Variants in MAN1C1 observed in about 807,000 individuals in gnomAD.
MAN1C1 encodes mannosidase alpha class 1C member 1.
MAN1C1 carries 49 observed loss-of-function variants against 71.5 expected under a neutral mutation model. The observed-to-expected ratio is 0.69, with a 90% CI of 0.54 to 0.87. The LOEUF (loss-of-function observed/expected upper bound fraction) is 0.87, where lower values mean the gene tolerates loss of function less well. MAN1C1 is among the 40% of genes least tolerant of loss of function. MAN1C1 has a pLI of 0.00. For synonymous variants in MAN1C1, 352 were observed against 343.7 expected, an observed-to-expected ratio of 1.02 and a Z score of -0.27; for missense variants, 743 against 835.0, an observed-to-expected ratio of 0.89 and a Z score of 1.36.
Position 25,782,683 on chromosome 1 carries a change from T to C in MAN1C1, c.1749T>C (p.Phe583=). Residue 583 remains phenylalanine, a synonymous_variant, in exon 11 of 12, where the codon TTT becomes TTC. Coordinates refer to ENST00000374332, the MANE Select transcript of MAN1C1 (RefSeq NM_020379.4). This position sits in a 1 kb window ranked among gnomAD's most constrained non-coding sequence, Gnocchi z 4.4. ...ACGACAACAAGCAGCAGAGCTTCTT[T>C]CTAGCGGAGACACTAAAGTGAGCAG... The part of the protein sequence containing the change: ...PNHDNKQQSF[F]LAETLKYLYL... 2 of 1,613,858 alleles carry C rather than the reference T, an allele frequency of 1.2e-6. No individual in the cohort carries two copies. Among genetic ancestry groups the C allele is most frequent in the East Asian group, 2.2e-5 (1 of 44,864 alleles).
At chr1:25,713,357 A>G (rs2046638843) in intron 2 of MAN1C1, among the ~76,000 whole-genome samples, 1 of 152,228 alleles carries the variant, frequency 6.6e-6, no homozygotes, top group African/African-American at 2.4e-5. Flanking sequence ...GAGGAAACAG[A>G]CCCAGGTAAG....
At position 25,686,544 on chromosome 1, in the gene MAN1C1, G is replaced by A. The variant is rs763426234; in HGVS notation, c.637+8G>A. On this transcript the variant is annotated splice_region_variant and intron_variant, in intron 2 of 11. Transcript: ENST00000374332. ...ACGAGGGTAACATGTTCGGTGAGTC[G>A]ATTCAAACCACTTTGATATTGGGAG... 8 of 1,612,916 alleles carry A rather than the reference G, an allele frequency of 5.0e-6. No individual in the cohort carries two copies. The highest frequency in any genetic ancestry group is 3.3e-5 in the Admixed American group (2 of 59,980).
intron 1 of MAN1C1, among the ~76,000 whole-genome samples, chr1:25,664,156 T>C (rs1476459043): frequency 2.0e-5 from 3 of 152,138 alleles, no homozygotes; most frequent in Non-Finnish European, 4.4e-5. Context: ...ACACGCTCTG[T>C]GGTCGCCTGT....
intron 2 of MAN1C1, among the ~76,000 whole-genome samples, chr1:25,715,700 C>G (rs1472866068): frequency 6.6e-6 from 1 of 152,204 alleles, no homozygotes; most frequent in African/African-American, 2.4e-5. Context: ...CAGGGCCTCT[C>G]CCTTGAGCAG....
At position 25,711,691 on chromosome 1, in the gene MAN1C1, G is replaced by A. The variant is rs1471569148; in HGVS notation, c.637+25155G>A. Among the ~76,000 whole-genome samples the A allele has an allele frequency of 7.6e-6, 1 of 132,274 alleles. No individual in the cohort carries two copies. The highest frequency in any genetic ancestry group is 1.6e-5 in the Non-Finnish European group (1 of 62,196). The allele number at this position is 132,274 out of a possible 152,430, so 86.8% of individuals were successfully genotyped here. A position where few individuals can be genotyped will look rare whatever the true frequency, so the allele number is the denominator to read the frequency against. On this transcript the variant is annotated intron_variant, in intron 2 of 11. Coordinates refer to ENST00000374332, the MANE Select transcript of MAN1C1 (RefSeq NM_020379.4). This position sits in a 1 kb window ranked among gnomAD's most constrained non-coding sequence, Gnocchi z 4.3. ...CCCGCCCCTCCCCTGCGTGCTGCAA[G>A]CCTGCCCCGGGCCCCACTTCCTCCC... is the stretch of plus-strand genomic sequence containing the variant.
At chr1:25,783,510 C>G (rs1270958269) in intron 11 of MAN1C1, among the ~76,000 whole-genome samples, 153 bp from the exon 12 acceptor site, 1 of 152,194 alleles carries the variant, frequency 6.6e-6, no homozygotes, top group Non-Finnish European at 1.5e-5. Flanking sequence ...GACTAGCACC[C>G]CCACCCTGCT....
At chr1:25,625,251 C>T (rs1041798027) in intron 1 of MAN1C1, among the ~76,000 whole-genome samples, 3 of 151,962 alleles carry the variant, frequency 2.0e-5, no homozygotes, top group African/African-American at 7.3e-5. Flanking sequence ...GTGATCCATC[C>T]GCCTCAGCCT....
intron 1 of MAN1C1, among the ~76,000 whole-genome samples, chr1:25,622,444 A>T (rs951215791): frequency 6.6e-6 from 1 of 152,246 alleles, no homozygotes; most frequent in African/African-American, 2.4e-5. Context: ...ATGAATGGCT[A>T]CATTAAAGAT....
intron 2 of MAN1C1, among the ~76,000 whole-genome samples, chr1:25,707,894 G>A (rs1045531884): frequency 2.0e-5 from 3 of 152,320 alleles, no homozygotes; most frequent in African/African-American, 7.2e-5. Context: ...CAAGGATTGT[G>A]GCTTCTGTTC....
chr1:25,642,078 C>T (rs958932676), intron 1 of MAN1C1, among the ~76,000 whole-genome samples: 1 of 152,136 alleles, frequency 6.6e-6, no homozygotes, highest in Non-Finnish European at 1.5e-5. Flanking sequence ...ATTTGCCTGT[C>T]CCACCTAAAT....
At position 25,746,641 on chromosome 1, in the gene MAN1C1, C is replaced by T. The variant is rs576307807; in HGVS notation, c.638-27C>T. ...GGAAAAGAGAAAGATGGCCCTGGGTCACACCCTCAATGCTCTGTGCCTGCA... is the reference window on the plus strand; with the variant it reads ...GGAAAAGAGAAAGATGGCCCTGGGTTACACCCTCAATGCTCTGTGCCTGCA... On this transcript the variant is annotated intron_variant, in intron 2 of 11. Coordinates refer to ENST00000374332, the MANE Select transcript of MAN1C1 (RefSeq NM_020379.4). This position sits in a 1 kb window ranked among gnomAD's most constrained non-coding sequence, Gnocchi z 4.0. 2.0e-5 allele frequency: 31 copies of T among 1,545,232 alleles called. No homozygotes were observed. The Middle Eastern group carries it at 5.0e-4, about 25-fold the overall frequency.
rs1425809011 is a variant in MAN1C1, at chr1:25,764,593, T to C, written c.1141+626T>C. On this transcript the variant is annotated intron_variant, in intron 7 of 11. Coordinates refer to ENST00000374332, the MANE Select transcript of MAN1C1 (RefSeq NM_020379.4). The surrounding 1 kb of genome is among the most constrained non-coding windows in gnomAD (Gnocchi z 4.4). ...ATGTCTGGCTACTTTTTTTGTATTT[T>C]TAGTAGAGATGGGGTTTAGTAGAGA... Among the ~76,000 whole-genome samples the C allele has an allele frequency of 6.6e-6, 1 of 151,960 alleles. No individual in the cohort carries two copies. The highest frequency in any genetic ancestry group is 6.5e-5 in the Admixed American group (1 of 15,268).
At position 25,783,860 on chromosome 1, in the gene MAN1C1, C is replaced by G. The variant is rs1165827955; in HGVS notation, c.*71C>G. 4.5e-6 allele frequency: 7 copies of G among 1,560,436 alleles called. No homozygotes were observed. Among genetic ancestry groups the G allele is most frequent in the Non-Finnish European group, 6.1e-6 (7 of 1,154,368 alleles). On this transcript the variant is annotated 3_prime_UTR_variant, in exon 12 of 12. Transcript: ENST00000374332. ...CCTTTTCAGGATTTGAGACTGTTCTCAAAGGGATTGGGAACGAAGGCCCCA... is the reference window on the plus strand; with the variant it reads ...CCTTTTCAGGATTTGAGACTGTTCTGAAAGGGATTGGGAACGAAGGCCCCA...
intron 8 of MAN1C1, 109 bp downstream of exon 8, chr1:25,771,881 TC>T: frequency 1.3e-6 from 1 of 768,258 alleles, no homozygotes; most frequent in Non-Finnish European, 2.2e-6. Context: ...CGAGACTTGC[TC>T]CCACCCCCTG....
intron 2 of MAN1C1, among the ~76,000 whole-genome samples, chr1:25,689,199 A>C (rs1449655676): frequency 3.9e-5 from 6 of 152,000 alleles, no homozygotes; most frequent in Admixed American, 2.6e-4. Flanking sequence ...CAAGACATGC[A>C]CTGGCAACCC....
chr1:25,731,336 GTCATCATCATCATCATCA>G (rs61554526), intron 2 of MAN1C1, among the ~76,000 whole-genome samples: 14 of 150,538 alleles, frequency 9.3e-5, no homozygotes, highest in African/African-American at 2.5e-4. Context: ...CATCATCATC[GTCATCATCATCATCATCA>G]TCATCATCAT....
At chr1:25,685,440 T>C (rs2046216615) in intron 1 of MAN1C1, among the ~76,000 whole-genome samples, 1 of 152,170 alleles carries the variant, frequency 6.6e-6, no homozygotes, top group Non-Finnish European at 1.5e-5. Flanking sequence ...TTGTGCTCCC[T>C]CTGCAGCCAG....
At chr1:25,704,707 G>A (rs1031342137) in intron 2 of MAN1C1, among the ~76,000 whole-genome samples, 1 of 152,222 alleles carries the variant, frequency 6.6e-6, no homozygotes, top group African/African-American at 2.4e-5. Flanking sequence ...TCCTTACAGA[G>A]AGCTGATTTG....
rs532803168 is a variant in MAN1C1, at chr1:25,779,110, G to A, written c.1477+786G>A. 4.6e-3 allele frequency among the ~76,000 whole-genome samples: 700 copies of A among 152,218 alleles called. 6 individuals carry two copies. Among genetic ancestry groups the A allele is most frequent in the Non-Finnish European group, 6.0e-3 (410 of 67,992 alleles). On this transcript the variant is annotated intron_variant, in intron 9 of 11. Coordinates refer to ENST00000374332, the MANE Select transcript of MAN1C1 (RefSeq NM_020379.4). This position sits in a 1 kb window ranked among gnomAD's most constrained non-coding sequence, Gnocchi z 4.6. ...CGTGTGGTCCCAGGAGACGCCCACC[G>A]CTCTGAGTGGTAATCCCAGTGTTGG...
Sources: allele counts gnomAD v4.1 joint callset (sites outside exome capture counted in the v4.1 genomes callset), GRCh38; gene constraint gnomAD v4.1.1; non-coding constraint Gnocchi (gnomAD v3.1); transcripts MANE v1.5; gene names NCBI Gene and HGNC (gene_info 2026-07-23, HGNC 2026-07-21).